Variants in DGKB observed in about 807,000 individuals in gnomAD.
DGKB encodes the protein diacylglycerol kinase beta.
A neutral mutation model predicts 114.3 loss-of-function variants in DGKB; 67 were observed. That is an observed-to-expected ratio of 0.59 (90% confidence interval 0.48 to 0.72). DGKB has a LOEUF of 0.72. DGKB is among the 30% of genes least tolerant of loss of function. DGKB has a pLI of 0.00. For synonymous variants in DGKB, 398 were observed against 323.1 expected (o/e 1.23, Z -2.49); for missense variants, 907 against 975.2 (o/e 0.93, Z 0.93).
At chr7:14,572,461 G>GAA (rs144971909) in intron 20 of DGKB, among the ~76,000 whole-genome samples, 2 of 140,176 alleles carry the variant, frequency 1.4e-5, no homozygotes, top group African/African-American at 5.2e-5. Flanking sequence ...CAAAAAAAAA[G>GAA]AAAAAAAAAA....
intron 2 of DGKB, among the ~76,000 whole-genome samples, chr7:14,799,725 T>C (rs980506171): frequency 2.6e-5 from 4 of 152,114 alleles, no homozygotes; most frequent in African/African-American, 9.7e-5. Flanking sequence ...AAGCTGCTAG[T>C]TTTAAATGGG....
chr7:14,662,290 T>C (rs1479780985), intron 13 of DGKB, among the ~76,000 whole-genome samples: 3 of 151,878 alleles, frequency 2.0e-5, no homozygotes, highest in African/African-American at 4.8e-5. Context: ...AAAAGTGAGA[T>C]AAATAATCAT....
chr7:14,163,248 TA>T (rs1784164034), intron 25 of DGKB, among the ~76,000 whole-genome samples: 2 of 152,192 alleles, frequency 1.3e-5, no homozygotes, highest in South Asian at 4.1e-4. Flanking sequence ...CCTTTTTTTT[TA>T]ACCAATCTGA....
intron 2 of DGKB, among the ~76,000 whole-genome samples, chr7:14,776,796 C>A (rs1405463963): frequency 2.0e-5 from 3 of 152,204 alleles, no homozygotes; most frequent in Non-Finnish European, 2.9e-5. Flanking sequence ...AGCACAGAGT[C>A]CCTACTGTGG....
intron 21 of DGKB, among the ~76,000 whole-genome samples, chr7:14,438,757 G>T (rs1829638065): frequency 6.6e-6 from 1 of 151,988 alleles, no homozygotes; most frequent in Non-Finnish European, 1.5e-5. Context: ...AGCAAGAATA[G>T]GTTTCAATCC....
intron 20 of DGKB, among the ~76,000 whole-genome samples, chr7:14,481,201 T>C (rs1208566250): frequency 6.6e-6 from 1 of 152,002 alleles, no homozygotes; most frequent in Non-Finnish European, 1.5e-5. Flanking sequence ...GTGTCTCAAA[T>C]ACTTGATCAC....
At chr7:14,891,972 T>C (rs1420314684) in intron 1 of DGKB, among the ~76,000 whole-genome samples, 1 of 151,238 alleles carries the variant, frequency 6.6e-6, no homozygotes, top group East Asian at 1.9e-4. Flanking sequence ...TGCAAAGCCA[T>C]TGAGAAAGGG....
chr7:14,852,781 T>C (rs1030437739), intron 1 of DGKB, among the ~76,000 whole-genome samples: 3 of 152,134 alleles, frequency 2.0e-5, no homozygotes, highest in Non-Finnish European at 4.4e-5. Context: ...CAGAAACAGA[T>C]ATTTCCTAGA....
chr7:14,885,160 A>G (rs1348752763), intron 1 of DGKB, among the ~76,000 whole-genome samples: 1 of 151,972 alleles, frequency 6.6e-6, no homozygotes, highest in Admixed American at 6.6e-5. Context: ...TAGAGCCAAA[A>G]TCAGTCTGTG....
chr7:14,308,702 T>C (rs1804877099), intron 23 of DGKB, among the ~76,000 whole-genome samples: 3 of 152,268 alleles, frequency 2.0e-5, no homozygotes, highest in South Asian at 2.1e-4. Context: ...TGGGCTATAT[T>C]GAGGACCTGA....
chr7:14,747,306 C>T (rs1833439835), intron 4 of DGKB, among the ~76,000 whole-genome samples: 1 of 151,588 alleles, frequency 6.6e-6, no homozygotes, highest in South Asian at 2.1e-4. Context: ...AATCCTTCCA[C>T]CTCATCCTCC....
chr7:14,851,794 T>C (rs1040006279), intron 1 of DGKB, among the ~76,000 whole-genome samples: 18 of 152,182 alleles, frequency 1.2e-4, no homozygotes, highest in Admixed American at 1.1e-3. Flanking sequence ...AGAGATCACT[T>C]GAAGAAGCCA....
At chr7:14,776,857 A>G (rs1002174869) in intron 2 of DGKB, among the ~76,000 whole-genome samples, 1 of 152,110 alleles carries the variant, frequency 6.6e-6, no homozygotes, top group African/African-American at 2.4e-5. Flanking sequence ...CAGACCCCAG[A>G]ATGGTAGGTC....
chr7:14,947,946 T>C (rs543500898), intron 1 of DGKB, among the ~76,000 whole-genome samples: 85 of 151,804 alleles, frequency 5.6e-4, no homozygotes, highest in African/African-American at 2.0e-3. Flanking sequence ...AAACAATCCC[T>C]CCCTTCAGAG....
chr7:14,316,299 G>GAAAT (rs1806499456), intron 23 of DGKB, among the ~76,000 whole-genome samples: 1 of 146,316 alleles, frequency 6.8e-6, no homozygotes, highest in South Asian at 2.3e-4. Context: ...AGAACTGAAG[G>GAAAT]AAATAGAGAC....
rs7785454 is a variant in DGKB, at chr7:14,279,256, T to G, written c.2122+59259A>C. ...ACCCCCACGGAGTCTCGCTGATTGC[T>G]AGCACAGCAGTCTGAGATCAAACTG... On this transcript the variant is annotated intron_variant, in intron 23 of 25. Transcript: ENST00000402815. 7.5e-3 allele frequency among the ~76,000 whole-genome samples: 1,143 copies of G among 152,206 alleles called. 15 individuals carry two copies. Among genetic ancestry groups the G allele is most frequent in the African/African-American group, 0.025 (1,033 of 41,508 alleles).
At chr7:14,324,480 A>C (rs966982705) in intron 23 of DGKB, among the ~76,000 whole-genome samples, 8 of 150,882 alleles carry the variant, frequency 5.3e-5, no homozygotes, top group African/African-American at 1.9e-4. Flanking sequence ...TGTCAGATTT[A>C]AGACCCGACA....
chr7:14,694,518 C>G (rs966656994), intron 8 of DGKB, among the ~76,000 whole-genome samples: 2 of 152,108 alleles, frequency 1.3e-5, no homozygotes, highest in African/African-American at 4.8e-5. Flanking sequence ...TTTTTAGATT[C>G]ATATATATGC....
At chr7:14,227,080 A>G (rs943409642) in intron 23 of DGKB, among the ~76,000 whole-genome samples, 1 of 152,014 alleles carries the variant, frequency 6.6e-6, no homozygotes, top group African/African-American at 2.4e-5. Flanking sequence ...GAAAGCTGCC[A>G]TCCAGAAAGG....
Sources: allele counts gnomAD v4.1 joint callset (sites outside exome capture counted in the v4.1 genomes callset), GRCh38; gene constraint gnomAD v4.1.1; transcripts MANE v1.5; gene names NCBI Gene and HGNC (gene_info 2026-07-23, HGNC 2026-07-21).